PF4: variants seen among roughly 807,000 people sequenced by gnomAD.
PF4 encodes the protein platelet factor 4.
A neutral mutation model predicts 6.9 loss-of-function variants in PF4; 8 were observed. The ratio of observed to expected loss-of-function variants is 1.16; its 90% CI spans 0.68 to 2.09. The LOEUF (loss-of-function observed/expected upper bound fraction) is 2.09, where lower values mean the gene tolerates loss of function less well. Ranked by LOEUF, PF4 falls within the 30% of genes most tolerant of loss-of-function variation. The pLI is 0.00. For synonymous variants in PF4, 55 were observed against 56.5 expected (o/e 0.97, Z 0.12); for missense variants, 111 against 122.9 (o/e 0.90, Z 0.46).
In PF4 at chr4:73,981,080, A is replaced by T. The variant is rs1023977322; in HGVS notation, c.*124T>A. ...AGTATTTTGACTATACTACAACTTG[A>T]TTTATTTTGTTTATTTAAAATCATA... On this transcript the variant is annotated 3_prime_UTR_variant, in exon 3 of 3. Coordinates refer to ENST00000296029, the MANE Select transcript of PF4 (RefSeq NM_002619.4). 2.2e-5 allele frequency: 16 copies of T among 718,230 alleles called. 1 individual carries two copies. The highest frequency in any genetic ancestry group is 5.6e-5 in the Admixed American group (2 of 35,732). 44.5% of individuals were successfully genotyped at this position (718,230 alleles called of 1,614,324 possible).
chr4:73,981,260 A>C lies in PF4; in HGVS notation c.250T>G (p.Leu84Val), dbSNP rs201899718. Residue 84 changes from leucine to valine, a missense_variant, in exon 3 of 3, where the codon TTG becomes GTG. Coordinates refer to ENST00000296029, the MANE Select transcript of PF4 (RefSeq NM_002619.4). The part of the protein sequence containing the change: ...ATLKNGRKIC[L>V]DLQAPLYKKI... Reference sequence around the variant, plus strand: ...TTGTACAGCGGGGCTTGCAGGTCCAAGCAAATTTTCCTTCCATTCTTCAGC... The same window carrying C: ...TTGTACAGCGGGGCTTGCAGGTCCACGCAAATTTTCCTTCCATTCTTCAGC... 5 of 1,614,242 alleles carry C rather than the reference A, an allele frequency of 3.1e-6. No homozygotes were observed. Among genetic ancestry groups the C allele is most frequent in the East Asian group, 2.2e-5 (1 of 44,892 alleles).
At position 73,981,295 on chromosome 4, in the gene PF4, G is replaced by C. The variant is rs1442899774; in HGVS notation, c.219-4C>G. On this transcript the variant is annotated splice_region_variant and splice_polypyrimidine_tract_variant and intron_variant, in intron 2 of 2. Coordinates refer to ENST00000296029, the MANE Select transcript of PF4 (RefSeq NM_002619.4). ...CCTTCCATTCTTCAGCGTGGCTCTG[G>C]CAGGGAAAAGAGAAGAGATGTGACT... 6.2e-7 allele frequency: 1 copy of C among 1,614,034 alleles called. No individual in the cohort carries two copies. Among genetic ancestry groups the C allele is most frequent in the Admixed American group, 1.7e-5 (1 of 60,000 alleles).
Position 73,981,936 on chromosome 4 carries a change from C to T in PF4, c.18G>A (p.Gly6=). The T allele has an allele frequency of 6.4e-7, 1 of 1,550,990 alleles. No homozygotes were observed. The change falls in exon 1 of 3, where the codon GGG becomes GGA. Residue 6 remains glycine (G), a synonymous_variant. Transcript: ENST00000296029. ...GCAGCCCGGGGCGTGAGGCGCAGAA[C>T]CCGGCTGCGGAGCTCATGCTGCGGC... MSSAA[G]FCASRPGLLF...
rs1434220319 is a variant in PF4 at position 73,981,200 on chromosome 4, G to A, written c.*4C>T. ...GCAAATGCACACACGTAGGCAGCTA[G>A]TAGCTAACTCTCCAAAAGTTTCTTA... On this transcript the variant is annotated 3_prime_UTR_variant, in exon 3 of 3. Coordinates refer to ENST00000296029, the MANE Select transcript of PF4 (RefSeq NM_002619.4). 3.1e-6 allele frequency: 5 copies of A among 1,608,404 alleles called. No homozygotes were observed. The highest frequency in any genetic ancestry group is 1.1e-5 in the South Asian group (1 of 90,986).
At position 73,981,288 on chromosome 4, in the gene PF4, G is replaced by C. The variant is rs755329363; in HGVS notation, c.222C>G (p.Ala74=). ...AAATTTTCCTTCCATTCTTCAGCGT[G>C]GCTCTGGCAGGGAAAAGAGAAGAGA... ...GPHCPTAQLI[A]TLKNGRKICL... is the part of the protein sequence containing the mutation. The change falls in exon 3 of 3, where the codon GCC becomes GCG. Residue 74 remains alanine (A), a synonymous_variant. Coordinates refer to ENST00000296029, the MANE Select transcript of PF4 (RefSeq NM_002619.4). The C allele has an allele frequency of 9.3e-6, 15 of 1,614,170 alleles. No individual in the cohort carries two copies. Among genetic ancestry groups the C allele is most frequent in the Admixed American group, 1.7e-5 (1 of 60,016 alleles).
chr4:73,981,152 G>T lies in PF4; in HGVS notation c.*52C>A. On this transcript the variant is annotated 3_prime_UTR_variant, in exon 3 of 3. Coordinates refer to ENST00000296029, the MANE Select transcript of PF4 (RefSeq NM_002619.4). Reference sequence around the variant, plus strand: ...GTTCTTTCACAGTTAGATTGAAACTGGAAAAAAGAAGTATGCTATATAGCA... The same window carrying T: ...GTTCTTTCACAGTTAGATTGAAACTTGAAAAAAGAAGTATGCTATATAGCA... 8.1e-7 allele frequency: 1 copy of T among 1,235,208 alleles called. No homozygotes were observed. The highest frequency in any genetic ancestry group is 1.2e-6 in the Non-Finnish European group (1 of 840,406). 76.5% of individuals were successfully genotyped at this position (1,235,208 alleles called of 1,614,324 possible). A position where few individuals can be genotyped will look rare whatever the true frequency, so the allele number is the denominator to read the frequency against.
At chr4:73,982,045 G>A (rs1050533424), upstream of PF4, 10 of 1,059,860 alleles carry the variant, frequency 9.4e-6, no homozygotes, top group Non-Finnish European at 1.4e-5. Context: ...GAGCCTCGCC[G>A]GCACGTTTTA....
intron 1 of PF4, 91 bp downstream of exon 1, chr4:73,981,772 T>C: frequency 6.7e-7 from 1 of 1,502,912 alleles, no homozygotes; most frequent in South Asian, 1.3e-5. Context: ...GTGGCTGTGA[T>C]CATGATCCTA....
At position 73,981,114 on chromosome 4, in the gene PF4, A is replaced by G. The variant is rs1343011493; in HGVS notation, c.*90T>C. On this transcript the variant is annotated 3_prime_UTR_variant, in exon 3 of 3. Transcript: ENST00000296029. Reference sequence around the variant, plus strand: ...GTTTATTTAAAATCATAAGGATAACACAAATATCAGAAGTTCTTTCACAGT... The same window carrying G: ...GTTTATTTAAAATCATAAGGATAACGCAAATATCAGAAGTTCTTTCACAGT... The G allele has an allele frequency of 5.6e-6, 5 of 886,512 alleles. No individual in the cohort carries two copies. Among genetic ancestry groups the G allele is most frequent in the East Asian group, 4.9e-5 (2 of 40,606 alleles). The allele number at this position is 886,512 out of a possible 1,614,324, so 54.9% of individuals were successfully genotyped here. A position where few individuals can be genotyped will look rare whatever the true frequency, so the allele number is the denominator to read the frequency against.
rs111283987 is a variant in PF4, at chr4:73,981,208, C to G, written c.302G>C (p.Ser101Thr). The G allele has an allele frequency of 6.8e-6, 11 of 1,612,810 alleles. No homozygotes were observed. The highest frequency in any genetic ancestry group is 2.2e-5 in the South Asian group (2 of 91,058). The change falls in exon 3 of 3, where the codon AGT (serine) becomes ACT (threonine). Residue 101 changes from serine to threonine, a missense_variant. Ser to Thr is a moderately conservative substitution (Grantham distance 58). Transcript: ENST00000296029. ...YKKIIKKLLES is the reference protein window; with the variant it reads ...YKKIIKKLLET ...ACACACGTAGGCAGCTAGTAGCTAA[C>G]TCTCCAAAAGTTTCTTAATTATTTT...
intron 1 of PF4, 98 bp downstream of exon 1, chr4:73,981,765 G>T: frequency 6.7e-7 from 1 of 1,497,318 alleles, no homozygotes; most frequent in South Asian, 1.3e-5. Context: ...GTTAAGTGTG[G>T]CTGTGATCAT....
chr4:73,981,737 AC>A (rs1299947438), intron 1 of PF4, 125 bp downstream of exon 1: 10 of 1,476,102 alleles, frequency 6.8e-6, no homozygotes, highest in African/African-American at 2.8e-5. Flanking sequence ...CTGTGGCCAG[AC>A]ACTCAGCAGG....
At chr4:73,981,678 G>A in intron 1 of PF4, 135 bp from the exon 2 acceptor site, 1 of 1,478,876 alleles carries the variant, frequency 6.8e-7, no homozygotes, top group Non-Finnish European at 9.0e-7. Context: ...ACCTCCCCCA[G>A]ACAGAAGTTG....
rs556219221 is a variant in PF4, at chr4:73,981,188, C to G, written c.*16G>C. On this transcript the variant is annotated 3_prime_UTR_variant, in exon 3 of 3. Coordinates refer to ENST00000296029, the MANE Select transcript of PF4 (RefSeq NM_002619.4). ...GTATGCTATATAGCAAATGCACACA[C>G]GTAGGCAGCTAGTAGCTAACTCTCC... 7.1e-5 allele frequency: 113 copies of G among 1,585,250 alleles called. No individual in the cohort carries two copies. Among genetic ancestry groups the G allele is most frequent in the Non-Finnish European group, 9.6e-5 (111 of 1,153,676 alleles).
intron 1 of PF4, 101 bp from the exon 2 acceptor site, chr4:73,981,644 C>T (rs1301493883): frequency 2.0e-6 from 3 of 1,496,684 alleles, no homozygotes; most frequent in African/African-American, 1.4e-5. Flanking sequence ...TACCTTCAGC[C>T]TTCTTTTCCT....
chr4:73,981,312 G>A (rs758043123), intron 2 of PF4, 21 bp from the exon 3 acceptor site: 4 of 1,613,976 alleles, frequency 2.5e-6, no homozygotes, highest in Non-Finnish European at 1.7e-6. Context: ...AAAGAGAAGA[G>A]ATGTGACTTT....
rs1276803714 is a variant in PF4, at chr4:73,981,942, T to C, written c.12A>G (p.Ala4=). The C allele has an allele frequency of 6.4e-7, 1 of 1,550,564 alleles. No homozygotes were observed. Among genetic ancestry groups the C allele is most frequent in the Admixed American group, 2.0e-5 (1 of 50,920 alleles). MSS[A]AGFCASRPGL... is the part of the protein sequence containing the mutation. ...CGGGGCGTGAGGCGCAGAACCCGGC[T>C]GCGGAGCTCATGCTGCGGCAGAGCT... The change falls in exon 1 of 3, where the codon GCA becomes GCG. Residue 4 remains alanine, a synonymous_variant. Coordinates refer to ENST00000296029, the MANE Select transcript of PF4 (RefSeq NM_002619.4).
intron 1 of PF4, 135 bp downstream of exon 1, chr4:73,981,728 T>C: frequency 2.0e-6 from 3 of 1,475,082 alleles, no homozygotes; most frequent in Non-Finnish European, 2.7e-6. Context: ...CGCCTGGCAC[T>C]GTGGCCAGAC....
intron 1 of PF4, 146 bp downstream of exon 1, chr4:73,981,717 G>T (rs534287142): frequency 4.1e-6 from 6 of 1,473,788 alleles, no homozygotes; most frequent in Admixed American, 2.4e-5. Flanking sequence ...TGCAGGTGCA[G>T]CGCCTGGCAC....
Sources: allele counts gnomAD v4.1 joint callset, GRCh38; gene constraint gnomAD v4.1.1; transcripts MANE v1.5; gene names NCBI Gene and HGNC (gene_info 2026-07-23, HGNC 2026-07-21).